The following ATP6V1E2 variants were observed in gnomAD, a reference collection of about 807,000 sequenced individuals.
The protein encoded by ATP6V1E2 is V-type proton ATPase subunit E 2.
For synonymous variants in ATP6V1E2, 121 were observed against 104.2 expected (o/e 1.16, Z -0.98); for missense variants, 308 against 273.3 (o/e 1.13, Z -0.90).
At position 46,535,358 on chromosome 2, in the gene ATP6V1E2, G is replaced by A. The variant is rs1297373039; in HGVS notation, c.-102+455C>T. The A allele has an allele frequency of 6.6e-6, 1 of 152,124 alleles. No homozygotes were observed. The allele number at this position is 152,124 out of a possible 1,614,324, so 9.4% of individuals were successfully genotyped here. ...ATCTGCTTCTCCAGTCTCTTCTCAG[G>A]AGCCTGGGTTGCAAGCAACAGAAGC... is the stretch of plus-strand genomic sequence containing the variant. On this transcript the variant is annotated intron_variant, in intron 4 of 4. Transcript: ENST00000522587. The surrounding 1 kb of genome is among the most constrained non-coding windows in gnomAD (Gnocchi z 4.4).
At position 46,512,704 on chromosome 2, in the gene ATP6V1E2, A is replaced by AG; in HGVS notation, c.7dup (p.Leu3ProfsTer3). 1 of 1,611,334 alleles carries AG rather than the reference A, an allele frequency of 6.2e-7. No individual in the cohort carries two copies. The highest frequency in any genetic ancestry group is 8.5e-7 in the Non-Finnish European group (1 of 1,179,158). On this transcript the variant is annotated frameshift_variant, in exon 5 of 5. Coordinates refer to ENST00000522587, the MANE Select transcript of ATP6V1E2 (RefSeq NM_001318063.2). LOFTEE classifies it low-confidence loss of function (END_TRUNC). The stretch of plus-strand genomic sequence containing the variant: ...CTGCTTTTTCACATCGACATCACTC[A>AG]GGGCCATGGCTGCTCTCAGAGGGGA...
chr2:46,521,225 T>C (rs1175859503), intron 4 of ATP6V1E2, among the ~76,000 whole-genome samples: 1 of 152,206 alleles, frequency 6.6e-6, no homozygotes, highest in Non-Finnish European at 1.5e-5. Context: ...GAAGGATCTT[T>C]AGAGGAAGTG....
At chr2:46,524,794 G>T (rs2103878320) in intron 4 of ATP6V1E2, among the ~76,000 whole-genome samples, 1 of 152,316 alleles carries the variant, frequency 6.6e-6, no homozygotes, top group East Asian at 1.9e-4. Flanking sequence ...TCTGCGTGTG[G>T]AGAGCAGGTG....
Position 46,512,676 on chromosome 2 carries a change from A to T in ATP6V1E2, c.36T>A (p.Ile12=). 1 of 1,613,840 alleles carries T rather than the reference A, an allele frequency of 6.2e-7. No individual in the cohort carries two copies. Among genetic ancestry groups the T allele is most frequent in the South Asian group, 1.1e-5 (1 of 91,052 alleles). The change falls in exon 5 of 5, where the codon ATT becomes ATA. Residue 12 remains isoleucine (I), a synonymous_variant. Coordinates refer to ENST00000522587, the MANE Select transcript of ATP6V1E2 (RefSeq NM_001318063.2). ...ALSDVDVKKQ[I]KHMMAFIEQE... is the part of the protein sequence containing the mutation. ...GCTCAATGAAAGCCATCATGTGCTTAATCTGCTTTTTCACATCGACATCAC... is the reference window on the plus strand; with the variant it reads ...GCTCAATGAAAGCCATCATGTGCTTTATCTGCTTTTTCACATCGACATCAC...
rs1479818846 is a variant in ATP6V1E2 at position 46,512,645 on chromosome 2, C to G, written c.67G>C (p.Ala23Pro). ...TCGATTTCCTCTGCTTTCTCATTGG[C>G]TTCCTGCTCAATGAAAGCCATCATG... ...KHMMAFIEQE[A>P]NEKAEEIDAK... Residue 23 changes from alanine to proline, a missense_variant, in exon 5 of 5, where the codon GCC becomes CCC. Transcript: ENST00000522587. The G allele has an allele frequency of 1.2e-6, 2 of 1,614,090 alleles. No homozygotes were observed. The highest frequency in any genetic ancestry group is 1.7e-5 in the Admixed American group (1 of 59,994).
Position 46,512,445 on chromosome 2 carries a change from G to A in ATP6V1E2, c.267C>T (p.Asp89=), listed in dbSNP as rs758909276. 5 of 1,614,172 alleles carry A rather than the reference G, an allele frequency of 3.1e-6. No individual in the cohort carries two copies. Among genetic ancestry groups the A allele is most frequent in the South Asian group, 1.1e-5 (1 of 91,086 alleles). Residue 89 remains aspartate, a synonymous_variant, in exon 5 of 5, where the codon GAC becomes GAT. Coordinates refer to ENST00000522587, the MANE Select transcript of ATP6V1E2 (RefSeq NM_001318063.2). ...ARLKVLRARN[D]LISDLLSEAK... is the part of the protein sequence containing the mutation. ...CCTCACTGAGCAAATCTGAGATGAGGTCATTTCGGGCTCTCAGGACTTTCA... is the reference window on the plus strand; with the variant it reads ...CCTCACTGAGCAAATCTGAGATGAGATCATTTCGGGCTCTCAGGACTTTCA...
chr2:46,517,060 T>G (rs1687745506), intron 4 of ATP6V1E2, among the ~76,000 whole-genome samples: 1 of 152,084 alleles, frequency 6.6e-6, no homozygotes, highest in Non-Finnish European at 1.5e-5. Context: ...AAGCTAAAGG[T>G]CTCACATTTC....
rs751877270 is a variant in ATP6V1E2, at chr2:46,512,143, A to G, written c.569T>C (p.Ile190Thr). 5 of 1,614,180 alleles carry G rather than the reference A, an allele frequency of 3.1e-6. No individual in the cohort carries two copies. In the Admixed American group the frequency reaches 8.3e-5, roughly 27 times the overall value. Reference sequence around the variant, plus strand: ...GCTTTCCAAGGTATTTGAAACCTTTATTCTCTGATTGCCACTGTAGACCTC... The same window carrying G: ...GCTTTCCAAGGTATTTGAAACCTTTGTTCTCTGATTGCCACTGTAGACCTC... ...GVEVYSGNQR[I>T]KVSNTLESRL... Residue 190 changes from isoleucine to threonine, a missense_variant, in exon 5 of 5, where the codon ATA (isoleucine) becomes ACA (threonine). Coordinates refer to ENST00000522587, the MANE Select transcript of ATP6V1E2 (RefSeq NM_001318063.2).
intron 4 of ATP6V1E2, among the ~76,000 whole-genome samples, chr2:46,528,205 A>G (rs1200218410): frequency 6.6e-6 from 1 of 152,286 alleles, no homozygotes; most frequent in African/African-American, 2.4e-5. Context: ...TCCAGTTTAC[A>G]ATGAAAAATG....
At chr2:46,527,457 G>A (rs1429896941) in intron 4 of ATP6V1E2, among the ~76,000 whole-genome samples, 9 of 152,128 alleles carry the variant, frequency 5.9e-5, no homozygotes, top group African/African-American at 1.7e-4. Flanking sequence ...TCCTGACCTC[G>A]TGATCTGCCC....
intron 2 of ATP6V1E2, among the ~76,000 whole-genome samples, chr2:46,538,494 CA>C (rs11462269): frequency 1.3e-4 from 18 of 142,956 alleles, no homozygotes; most frequent in Admixed American, 2.1e-4. Flanking sequence ...ACTCACTGGG[CA>C]AAAAAAAAAG....
intron 4 of ATP6V1E2, among the ~76,000 whole-genome samples, chr2:46,528,670 A>T (rs1667043411): frequency 1.3e-5 from 2 of 152,224 alleles, no homozygotes; most frequent in Non-Finnish European, 2.9e-5. Context: ...TGGGCATCAG[A>T]GGTTCAGACC....
At chr2:46,522,081 C>G (rs1025501048) in intron 4 of ATP6V1E2, among the ~76,000 whole-genome samples, 2 of 151,810 alleles carry the variant, frequency 1.3e-5, no homozygotes, top group Admixed American at 6.6e-5. Flanking sequence ...ATTGCTTGAG[C>G]CCAGGAGTTC....
intron 2 of ATP6V1E2, among the ~76,000 whole-genome samples, chr2:46,541,173 TTCTC>T (rs1403634864): frequency 6.6e-6 from 1 of 152,218 alleles, no homozygotes; most frequent in African/African-American, 2.4e-5. Context: ...CCTGCTCTCT[TTCTC>T]TCTAAGAGCA....
intron 4 of ATP6V1E2, among the ~76,000 whole-genome samples, chr2:46,531,496 A>C (rs1667177573): frequency 6.6e-6 from 1 of 152,210 alleles, no homozygotes; most frequent in Admixed American, 6.5e-5. Flanking sequence ...CATGGTATGC[A>C]CATGTATTTA....
intron 4 of ATP6V1E2, among the ~76,000 whole-genome samples, chr2:46,513,927 T>G (rs1392127821): frequency 6.6e-6 from 1 of 152,190 alleles, no homozygotes; most frequent in Non-Finnish European, 1.5e-5. Flanking sequence ...TTGAAGGTGG[T>G]CTTTTTACTA....
intron 2 of ATP6V1E2, chr2:46,537,458 C>T (rs1667503703): frequency 6.6e-6 from 1 of 152,200 alleles, no homozygotes; most frequent in African/African-American, 2.4e-5. Context: ...AAGAGAAGCT[C>T]TCTTTCCTTC....
chr2:46,512,573 GC>G lies in ATP6V1E2; in HGVS notation c.138del (p.Gln47LysfsTer5). 6.2e-7 allele frequency: 1 copy of G among 1,614,170 alleles called. No individual in the cohort carries two copies. The highest frequency in any genetic ancestry group is 8.5e-7 in the Non-Finnish European group (1 of 1,180,040). ...TCCATAATCTTCAGTCGTTGGGTTTGCACGAGGCGTCCTTTCTCAATGTTAA... is the reference window on the plus strand; with the variant it reads ...TCCATAATCTTCAGTCGTTGGGTTTGACGAGGCGTCCTTTCTCAATGTTAA... ...EEFNIEKGRL[V>X]QTQRLKIMEY... On this transcript the variant is annotated frameshift_variant, in exon 5 of 5. Transcript: ENST00000522587. LOFTEE classifies it low-confidence loss of function (END_TRUNC).
chr2:46,538,678 T>C (rs1358362458), intron 2 of ATP6V1E2, among the ~76,000 whole-genome samples: 1 of 152,184 alleles, frequency 6.6e-6, no homozygotes, highest in Non-Finnish European at 1.5e-5. Flanking sequence ...TGCTTCTCTC[T>C]GCACTTTAGC....
Sources: allele counts gnomAD v4.1 joint callset (sites outside exome capture counted in the v4.1 genomes callset), GRCh38; gene constraint gnomAD v4.1.1; non-coding constraint Gnocchi (gnomAD v3.1); transcripts MANE v1.5; gene names NCBI Gene and HGNC (gene_info 2026-07-23, HGNC 2026-07-21).